Variants in TWSG1 observed in about 807,000 individuals in gnomAD.
TWSG1 encodes the protein twisted gastrulation BMP signaling modulator 1.
A neutral mutation model predicts 23.0 loss-of-function variants in TWSG1; 15 were observed. The ratio of observed to expected loss-of-function variants is 0.65; its 90% CI spans 0.44 to 1.00. The LOEUF (loss-of-function observed/expected upper bound fraction) is 1.00. Ranked by LOEUF, TWSG1 falls within the 50% of genes least tolerant of loss-of-function variation. TWSG1 has a pLI of 0.00. For missense variants in TWSG1, 242 were observed against 278.7 expected (o/e 0.87, Z 0.94); for synonymous variants, 86 against 92.8 (o/e 0.93, Z 0.42).
intron 3 of TWSG1, among the ~76,000 whole-genome samples, chr18:9,375,539 A>T (rs2040626242): frequency 6.6e-6 from 1 of 152,220 alleles, no homozygotes; most frequent in South Asian, 2.1e-4. Context: ...AGGAAGGAAG[A>T]AATAAAACTA....
chr18:9,394,257 T>C (rs912225597), intron 3 of TWSG1, among the ~76,000 whole-genome samples: 1 of 152,200 alleles, frequency 6.6e-6, no homozygotes, highest in East Asian at 1.9e-4. Context: ...TATGCCAACA[T>C]AGATGGAACT....
intron 3 of TWSG1, among the ~76,000 whole-genome samples, chr18:9,375,166 C>CAAAAAAAAAAA: frequency 1.1e-5 from 1 of 89,778 alleles, no homozygotes; most frequent in Non-Finnish European, 2.1e-5. Flanking sequence ...TACTCCGTCT[C>CAAAAAAAAAAA]AAAAAAAAAA....
chr18:9,379,809 A>G (rs928606556), intron 3 of TWSG1, among the ~76,000 whole-genome samples: 1 of 152,224 alleles, frequency 6.6e-6, no homozygotes, highest in African/African-American at 2.4e-5. Context: ...TAGTATTTTT[A>G]TTAGAAGTGC....
At chr18:9,372,044 C>CTCCCAAA (rs2040608051) in intron 3 of TWSG1, among the ~76,000 whole-genome samples, 1 of 151,984 alleles carries the variant, frequency 6.6e-6, no homozygotes. Flanking sequence ...GGATTACAGC[C>CTCCCAAA]GTGAGCCATC....
At chr18:9,337,383 A>G (rs1408817882) in intron 2 of TWSG1, 31 bp downstream of exon 2, 2 of 1,606,438 alleles carry the variant, frequency 1.2e-6, no homozygotes, top group Non-Finnish European at 1.7e-6. Flanking sequence ...ATTAATATCA[A>G]AATATATTGT....
chr18:9,370,011 G>C (rs2040597173), intron 3 of TWSG1, among the ~76,000 whole-genome samples: 1 of 151,860 alleles, frequency 6.6e-6, no homozygotes, highest in South Asian at 2.1e-4. Context: ...TGTGCTTTTG[G>C]ATTCATGTCC....
At chr18:9,359,247 A>G (rs1352348456) in intron 2 of TWSG1, among the ~76,000 whole-genome samples, 2 of 152,070 alleles carry the variant, frequency 1.3e-5, no homozygotes, top group Non-Finnish European at 2.9e-5. Flanking sequence ...ACTTGTCCAC[A>G]TGGCCATATC....
intron 3 of TWSG1, among the ~76,000 whole-genome samples, chr18:9,371,507 A>C (rs8093045): frequency 0.35 from 52,494 of 151,766 alleles, 9,181 homozygotes; most frequent in Admixed American, 0.37. Context: ...ATGTTGGCCA[A>C]GCTGGTCTCA....
intron 3 of TWSG1, among the ~76,000 whole-genome samples, chr18:9,366,449 C>T (rs1020964692): frequency 2.0e-5 from 3 of 152,358 alleles, no homozygotes; most frequent in Admixed American, 1.3e-4. Context: ...CAGGCTCTAC[C>T]ACCTAGTGGA....
intron 2 of TWSG1, among the ~76,000 whole-genome samples, chr18:9,353,283 T>C (rs994355437): frequency 2.6e-5 from 4 of 152,216 alleles, no homozygotes; most frequent in Non-Finnish European, 5.9e-5. Context: ...GGAATAAGAT[T>C]CTTCTCTAAA....
At chr18:9,392,079 A>T (rs2040715492) in intron 3 of TWSG1, among the ~76,000 whole-genome samples, 1 of 152,238 alleles carries the variant, frequency 6.6e-6, no homozygotes, top group African/African-American at 2.4e-5. Flanking sequence ...TTGGAATAGT[A>T]AATTAGCATT....
At position 9,372,007 on chromosome 18, in the gene TWSG1, C is replaced by T. The variant is rs528441096; in HGVS notation, c.223+11936C>T. 1.2e-3 allele frequency among the ~76,000 whole-genome samples: 178 copies of T among 152,054 alleles called. 1 individual carries two copies. Among genetic ancestry groups the T allele is most frequent in the African/African-American group, 4.1e-3 (171 of 41,506 alleles). On this transcript the variant is annotated intron_variant, in intron 3 of 4. Coordinates refer to ENST00000262120, the MANE Select transcript of TWSG1 (RefSeq NM_020648.6). ...GTCTCGAACTCCTGACCTCATGATC[C>T]GCCCTCCTTGGCCTCCCAAAGTGCT... is the stretch of plus-strand genomic sequence containing the variant.
chr18:9,367,549 C>T (rs544309089), intron 3 of TWSG1, among the ~76,000 whole-genome samples: 14 of 152,210 alleles, frequency 9.2e-5, no homozygotes, highest in South Asian at 6.2e-4. Flanking sequence ...AGCAGTCCGC[C>T]GCCTCTTAGG....
At chr18:9,339,334 T>C (rs577272392) in intron 2 of TWSG1, among the ~76,000 whole-genome samples, 11 of 152,278 alleles carry the variant, frequency 7.2e-5, no homozygotes, top group Middle Eastern at 6.8e-3. Context: ...CTTTAAAAAT[T>C]TTTTGGCTCT....
Position 9,394,837 on chromosome 18 carries a change from TACAA to T in TWSG1, c.224-1438_224-1435del, listed in dbSNP as rs559701385. Among the ~76,000 whole-genome samples, 13 of 152,292 alleles carry T rather than the reference TACAA, an allele frequency of 8.5e-5. No homozygotes were observed. The South Asian group carries it at 1.5e-3, about 17-fold the overall frequency. ...TTTTGAATCTTTGCAAAGCAAGCTT[TACAA>T]ACAATGTCCCATTACCACTAAACAC... On this transcript the variant is annotated intron_variant, in intron 3 of 4. Coordinates refer to ENST00000262120, the MANE Select transcript of TWSG1 (RefSeq NM_020648.6).
intron 3 of TWSG1, among the ~76,000 whole-genome samples, chr18:9,367,356 C>T (rs1183280288): frequency 6.6e-6 from 1 of 152,180 alleles, no homozygotes; most frequent in Non-Finnish European, 1.5e-5. Context: ...CCTCCCCTTT[C>T]CTCAGCTCCT....
intron 2 of TWSG1, among the ~76,000 whole-genome samples, chr18:9,353,508 T>C (rs2040511099): frequency 6.6e-6 from 1 of 152,256 alleles, no homozygotes; most frequent in Non-Finnish European, 1.5e-5. Flanking sequence ...GTAGCTCAAA[T>C]GTATAAATTT....
intron 1 of TWSG1, among the ~76,000 whole-genome samples, chr18:9,335,197 TG>T (rs1185211912): frequency 6.6e-6 from 1 of 151,878 alleles, no homozygotes; most frequent in African/African-American, 2.4e-5. Context: ...CGAGCCGGGG[TG>T]GGGGTGGTTC....
rs553603409 is a variant in TWSG1 at position 9,375,092 on chromosome 18, G to A, written c.223+15021G>A. On this transcript the variant is annotated intron_variant, in intron 3 of 4. Transcript: ENST00000262120. The stretch of plus-strand genomic sequence containing the variant: ...TGAGGCAGGAGAATGGTGTGAACCC[G>A]GGAGGCAGAGCTTGCGGTGAGCCAA... Among the ~76,000 whole-genome samples the A allele has an allele frequency of 9.9e-5, 15 of 151,138 alleles. No individual in the cohort carries two copies. The East Asian group carries it at 1.9e-3, about 20-fold the overall frequency.
Sources: gnomAD v4.1 joint callset for allele counts (sites outside exome capture counted in the v4.1 genomes callset) on GRCh38, gnomAD v4.1.1 for gene constraint, MANE v1.5 for transcripts, NCBI Gene and HGNC (gene_info 2026-07-23, HGNC 2026-07-21) for gene names.